Variants in NCOA2 observed in about 807,000 individuals in gnomAD.
The protein encoded by NCOA2 is nuclear receptor coactivator 2.
NCOA2 carries 21 observed loss-of-function variants against 145.1 expected under a neutral mutation model. The observed-to-expected ratio is 0.14, with a 90% CI of 0.10 to 0.21. NCOA2 has a LOEUF of 0.21. NCOA2 is among the 10% of genes least tolerant of loss of function. The pLI is 1.00. For synonymous variants in NCOA2, 619 were observed against 637.5 expected (o/e 0.97, Z 0.44); for missense variants, 1,472 against 1,837.6 (o/e 0.80, Z 3.64).
At chr8:70,135,671 G>C (rs752688500) in intron 15 of NCOA2, among the ~76,000 whole-genome samples, 2 of 152,002 alleles carry the variant, frequency 1.3e-5, no homozygotes, top group Non-Finnish European at 2.9e-5. Context: ...CCTATGTTTT[G>C]GGCAATTACA....
At chr8:70,242,651 T>C (rs1452430725) in intron 2 of NCOA2, among the ~76,000 whole-genome samples, 1 of 152,108 alleles carries the variant, frequency 6.6e-6, no homozygotes, top group Non-Finnish European at 1.5e-5. Flanking sequence ...TTCCACTTCC[T>C]GAATCTTATA....
intron 1 of NCOA2, among the ~76,000 whole-genome samples, chr8:70,351,983 T>C (rs1369190616): frequency 6.7e-6 from 1 of 148,890 alleles, no homozygotes; most frequent in Non-Finnish European, 1.5e-5. Flanking sequence ...AATTTTTTTT[T>C]TAAAAAAGGA....
chr8:70,148,632 G>T, intron 11 of NCOA2, 149 bp from the exon 12 acceptor site: 1 of 654,800 alleles, frequency 1.5e-6, no homozygotes, highest in Non-Finnish European at 2.6e-6. Flanking sequence ...ACAGATAATT[G>T]ATCATCTTTT....
At chr8:70,448,903 C>T in the NCOA2 span, among the ~76,000 whole-genome samples, 1 of 151,600 alleles carries the variant, frequency 6.6e-6, no homozygotes, top group Non-Finnish European at 1.5e-5. Flanking sequence ...CTCCTGGACT[C>T]GAGAGACCCT....
At chr8:70,314,207 A>AAAAAAAAAAAAC (rs1805383717) in intron 1 of NCOA2, among the ~76,000 whole-genome samples, 1 of 143,524 alleles carries the variant, frequency 7.0e-6, no homozygotes, top group African/African-American at 2.5e-5. Flanking sequence ...AAAAAAAAAA[A>AAAAAAAAAAAAC]AGCAACTGTC....
At chr8:70,168,259 A>G (rs1182101825) in intron 6 of NCOA2, among the ~76,000 whole-genome samples, 1 of 152,218 alleles carries the variant, frequency 6.6e-6, no homozygotes, top group Non-Finnish European at 1.5e-5. Flanking sequence ...AGAAAAACCC[A>G]TAACTAGCTT....
At chr8:70,433,269 T>C in the NCOA2 span, among the ~76,000 whole-genome samples, 34 of 152,220 alleles carry the variant, frequency 2.2e-4, no homozygotes, top group African/African-American at 8.2e-4. Flanking sequence ...ATTGAGCATC[T>C]ATAGTACACA....
chr8:70,365,310 C>T (rs781413938), intron 1 of NCOA2, among the ~76,000 whole-genome samples: 12 of 151,906 alleles, frequency 7.9e-5, no homozygotes, highest in Non-Finnish European at 1.6e-4. Flanking sequence ...CCAGCCTAGG[C>T]GACAGAGCGA....
At chr8:70,221,912 TTTAAAA>T (rs1394193122) in intron 2 of NCOA2, among the ~76,000 whole-genome samples, 1 of 152,172 alleles carries the variant, frequency 6.6e-6, no homozygotes, top group East Asian at 1.9e-4. Context: ...ACACAATATT[TTTAAAA>T]TTTTTACCTA....
the NCOA2 span, among the ~76,000 whole-genome samples, chr8:70,412,801 T>G: frequency 6.6e-6 from 1 of 151,790 alleles, no homozygotes; most frequent in African/African-American, 2.4e-5. Flanking sequence ...CCACTTAACA[T>G]AAAAGTTAAT....
chr8:70,193,247 T>G lies in NCOA2; in HGVS notation c.260-18388A>C, dbSNP rs543567567. Among the ~76,000 whole-genome samples, 51 of 152,128 alleles carry G rather than the reference T, an allele frequency of 3.4e-4. 1 individual carries two copies. The highest frequency in any genetic ancestry group is 4.1e-4 in the Non-Finnish European group (28 of 68,012). On this transcript the variant is annotated intron_variant, in intron 4 of 22. Coordinates refer to ENST00000452400, the MANE Select transcript of NCOA2 (RefSeq NM_006540.4). ...GAACTTCTCTCGTTAGATGCAATAT[T>G]GATAACAATAGGCCTTATGGAGCTG...
intron 2 of NCOA2, chr8:70,273,362 C>T (rs752682932): frequency 9.9e-6 from 6 of 608,828 alleles, no homozygotes; most frequent in South Asian, 8.7e-5. Context: ...GCCCCTTATC[C>T]GCTGCGACAA....
chr8:70,303,104 T>C (rs144988306), intron 1 of NCOA2, among the ~76,000 whole-genome samples: 8 of 152,294 alleles, frequency 5.3e-5, no homozygotes, highest in Middle Eastern at 3.4e-3. Flanking sequence ...ATTAATCTCA[T>C]ATCTGTAGTT....
intron 1 of NCOA2, among the ~76,000 whole-genome samples, chr8:70,333,495 A>G (rs1807285929): frequency 6.6e-6 from 1 of 152,190 alleles, no homozygotes; most frequent in South Asian, 2.1e-4. Context: ...ACTGCCATGA[A>G]TAACCTGCTG....
At chr8:70,443,685 C>G in the NCOA2 span, among the ~76,000 whole-genome samples, 1 of 152,004 alleles carries the variant, frequency 6.6e-6, no homozygotes, top group Non-Finnish European at 1.5e-5. Context: ...CCCACCTTAG[C>G]CTCCTGAGTA....
chr8:70,179,412 C>CGGAGGAGGAAAAGAAGGGAGGAAG (rs1815227111), intron 4 of NCOA2, among the ~76,000 whole-genome samples: 1 of 151,696 alleles, frequency 6.6e-6, no homozygotes, highest in Non-Finnish European at 1.5e-5. Flanking sequence ...GATATTATAC[C>CGGAGGAGGAAAAGAAGGGAGGAAG]GGAGGAGGAA....
At chr8:70,136,299 T>C (rs1809727346) in intron 15 of NCOA2, among the ~76,000 whole-genome samples, 1 of 151,604 alleles carries the variant, frequency 6.6e-6, no homozygotes, top group South Asian at 2.1e-4. Flanking sequence ...GAGGTGGAGG[T>C]TGCAGTGAGC....
chr8:70,370,016 G>A (rs1194802698), intron 1 of NCOA2, among the ~76,000 whole-genome samples: 2 of 151,940 alleles, frequency 1.3e-5, no homozygotes, highest in Non-Finnish European at 2.9e-5. Context: ...CTCCAGAGGA[G>A]CTGAGACCAC....
the NCOA2 span, among the ~76,000 whole-genome samples, chr8:70,426,175 T>C: frequency 6.6e-6 from 1 of 152,020 alleles, no homozygotes; most frequent in Non-Finnish European, 1.5e-5. Context: ...GTTTGGGAGG[T>C]AGACTAGTCA....
Sources: gnomAD v4.1 joint callset for allele counts (sites outside exome capture counted in the v4.1 genomes callset) on GRCh38, gnomAD v4.1.1 for gene constraint, MANE v1.5 for transcripts, NCBI Gene and HGNC (gene_info 2026-07-23, HGNC 2026-07-21) for gene names.